The following KCNIP1 variants were observed in gnomAD, a reference collection of about 807,000 sequenced individuals.
KCNIP1 encodes the protein potassium voltage-gated channel interacting protein 1, also known as A-type potassium channel modulatory protein KCNIP1.
A neutral mutation model predicts 33.0 loss-of-function variants in KCNIP1; 18 were observed. The ratio of observed to expected loss-of-function variants is 0.55; its 90% CI spans 0.38 to 0.81. The LOEUF (loss-of-function observed/expected upper bound fraction) is 0.81, where lower values mean the gene tolerates loss of function less well. KCNIP1 is among the 30% of genes least tolerant of loss of function. KCNIP1 has a pLI of 0.00. For missense variants in KCNIP1, 238 were observed against 271.6 expected (o/e 0.88, Z 0.87); for synonymous variants, 93 against 98.3 (o/e 0.95, Z 0.32).
At chr5:170,473,168 T>G (rs758343498) in intron 1 of KCNIP1, among the ~76,000 whole-genome samples, 7 of 152,222 alleles carry the variant, frequency 4.6e-5, no homozygotes, top group Non-Finnish European at 8.8e-5. Flanking sequence ...GATTTGCATT[T>G]CCCTTATCAT....
rs1163649482 is a variant in KCNIP1, at chr5:170,656,696, G to A, written c.62-62062G>A. Among the ~76,000 whole-genome samples the A allele has an allele frequency of 4.6e-5, 7 of 152,198 alleles. No individual in the cohort carries two copies. In the South Asian group the frequency reaches 1.0e-3, roughly 23 times the overall value. ...GGACATGGAGGGGCAAATGGGGACC[G>A]TCCAGCACAGTCACCATCTCATAGA... On this transcript the variant is annotated intron_variant, in intron 1 of 7. Coordinates refer to ENST00000328939, the MANE Select transcript of KCNIP1 (RefSeq NM_014592.4).
rs143211356 is a variant in KCNIP1 at position 170,426,247 on chromosome 5, TCACACA to T, written c.88+72304_88+72309del. On this transcript the variant is annotated intron_variant, in intron 1 of 7. Transcript: ENST00000377360. ...CTAATGCTTTGTGACTCAAAAGGAA[TCACACA>T]CACACACACACACACACACAAACAC... 2.6e-3 allele frequency among the ~76,000 whole-genome samples: 382 copies of T among 149,272 alleles called. 1 individual carries two copies. The highest frequency in any genetic ancestry group is 2.7e-3 in the Non-Finnish European group (179 of 67,292).
chr5:170,668,806 G>A (rs34236879), intron 1 of KCNIP1, among the ~76,000 whole-genome samples: 14,299 of 152,250 alleles, frequency 0.094, 710 homozygotes, highest in Middle Eastern at 0.16. Context: ...GTTCCCAGGT[G>A]CAGGCTACCT....
upstream of KCNIP1, among the ~76,000 whole-genome samples, chr5:170,499,539 C>T (rs140427964): frequency 3.8e-3 from 586 of 152,334 alleles, 4 homozygotes; most frequent in African/African-American, 0.012. Context: ...AGTAAAGGGG[C>T]AAGCTCAGTG....
intron 1 of KCNIP1, among the ~76,000 whole-genome samples, chr5:170,464,954 G>A (rs567758162): frequency 1.3e-3 from 194 of 152,290 alleles, no homozygotes; most frequent in African/African-American, 4.3e-3. Context: ...CGGTTAGGAG[G>A]CAAGCTCCAG....
intron 1 of KCNIP1, among the ~76,000 whole-genome samples, chr5:170,456,796 G>A (rs1756392019): frequency 6.7e-6 from 1 of 150,262 alleles, no homozygotes; most frequent in African/African-American, 2.5e-5. Flanking sequence ...ACAGCTCACT[G>A]CAGCCTCGAT....
At chr5:170,726,077 A>T in intron 5 of KCNIP1, among the ~76,000 whole-genome samples, 1 of 152,214 alleles carries the variant, frequency 6.6e-6, no homozygotes, top group East Asian at 1.9e-4. Context: ...GGAAAGGATA[A>T]GGAATCATTT....
chr5:170,661,846 C>T (rs928621643), intron 1 of KCNIP1, among the ~76,000 whole-genome samples: 21 of 152,238 alleles, frequency 1.4e-4, no homozygotes, highest in Non-Finnish European at 5.9e-5. Flanking sequence ...CAGACGCCAA[C>T]CTGTCCCGGA....
chr5:170,383,013 AAAG>A (rs1764311138), intron 1 of KCNIP1: 1 of 152,554 alleles, frequency 6.6e-6, no homozygotes. Flanking sequence ...AAAAGAAAAG[AAAG>A]AAGGAGGGAA....
chr5:170,374,098 A>G (rs1201860670), intron 1 of KCNIP1, among the ~76,000 whole-genome samples: 1 of 152,250 alleles, frequency 6.6e-6, no homozygotes, highest in Admixed American at 6.5e-5. Flanking sequence ...TGAACAATAA[A>G]ATAAATGCAG....
intron 1 of KCNIP1, among the ~76,000 whole-genome samples, chr5:170,640,272 G>A (rs762274008): frequency 6.6e-6 from 1 of 152,226 alleles, no homozygotes; most frequent in Non-Finnish European, 1.5e-5. Context: ...GAAGTGGTAG[G>A]CAGTAGAGAG....
In KCNIP1 at chr5:170,712,731, C is replaced by A. The variant is rs1392029840; in HGVS notation, c.62-6027C>A. ...GCTCCAGCTCTGCTACTGAGAGGCT[C>A]TTCGCATATGTCAAGCTGGACGACG... On this transcript the variant is annotated intron_variant, in intron 1 of 7. Coordinates refer to ENST00000328939, the MANE Select transcript of KCNIP1 (RefSeq NM_014592.4). 7 of 893,070 alleles carry A rather than the reference C, an allele frequency of 7.8e-6. No individual in the cohort carries two copies. The African/African-American group carries it at 9.8e-5, about 13-fold the overall frequency. The allele number at this position is 893,070 out of a possible 1,614,324, so 55.3% of individuals were successfully genotyped here.
At chr5:170,397,071 C>T (rs543275133) in intron 1 of KCNIP1, among the ~76,000 whole-genome samples, 1 of 152,252 alleles carries the variant, frequency 6.6e-6, no homozygotes, top group African/African-American at 2.4e-5. Flanking sequence ...CATCTTAAGA[C>T]CTCTGTTTTA....
chr5:170,533,144 G>A (rs530552771), intron 1 of KCNIP1, among the ~76,000 whole-genome samples: 1 of 152,124 alleles, frequency 6.6e-6, no homozygotes, highest in African/African-American at 2.4e-5. Context: ...GGCAGTCAGC[G>A]TGGAACACCC....
intron 1 of KCNIP1, among the ~76,000 whole-genome samples, chr5:170,573,293 G>A (rs1437493183): frequency 1.3e-5 from 2 of 152,172 alleles, no homozygotes; most frequent in African/African-American, 4.8e-5. Flanking sequence ...GCGGTCTGGG[G>A]AAATCTGCCC....
chr5:170,486,717 A>T (rs192490374), intron 1 of KCNIP1, among the ~76,000 whole-genome samples: 22 of 152,240 alleles, frequency 1.4e-4, no homozygotes, highest in African/African-American at 5.3e-4. Flanking sequence ...AAATAACCCA[A>T]CTAAGATTTG....
At chr5:170,588,816 T>A (rs1240634567) in intron 1 of KCNIP1, among the ~76,000 whole-genome samples, 1 of 152,064 alleles carries the variant, frequency 6.6e-6, no homozygotes, top group Non-Finnish European at 1.5e-5. Context: ...GTGCAGGGGT[T>A]CAGCATCCAG....
intron 1 of KCNIP1, among the ~76,000 whole-genome samples, chr5:170,705,539 T>C (rs1763230519): frequency 6.6e-6 from 1 of 152,218 alleles, no homozygotes; most frequent in African/African-American, 2.4e-5. Flanking sequence ...CCAGGCCCTA[T>C]GCTTCTGGTG....
intron 1 of KCNIP1, among the ~76,000 whole-genome samples, chr5:170,700,402 C>T (rs1265214194): frequency 1.3e-5 from 2 of 152,070 alleles, no homozygotes; most frequent in African/African-American, 4.8e-5. Context: ...CCCATCTCTA[C>T]AAAATAAAAA....
Sources: gnomAD v4.1 joint callset for allele counts (sites outside exome capture counted in the v4.1 genomes callset) on GRCh38, gnomAD v4.1.1 for gene constraint, MANE v1.5 for transcripts, NCBI Gene and HGNC (gene_info 2026-07-23, HGNC 2026-07-21) for gene names.